Variants in DCAKD observed in about 807,000 individuals in gnomAD.
DCAKD encodes dephospho-CoA kinase domain-containing protein.
In DCAKD, 15 loss-of-function variants were observed where a neutral mutation model predicts 18.7. The ratio of observed to expected loss-of-function variants is 0.80; its 90% CI spans 0.54 to 1.24. The LOEUF is 1.24. Ranked by LOEUF, DCAKD falls within the 50% of genes most tolerant of loss-of-function variation. DCAKD has a pLI of 0.00. For synonymous variants in DCAKD, 130 were observed against 133.0 expected (o/e 0.98, Z 0.16); for missense variants, 301 against 322.0 (o/e 0.93, Z 0.50).
Position 45,024,719 on chromosome 17 carries a change from C to A in DCAKD, c.410G>T (p.Arg137Leu). 1 of 1,573,526 alleles carries A rather than the reference C, an allele frequency of 6.4e-7. No homozygotes were observed. Among genetic ancestry groups the A allele is most frequent in the Non-Finnish European group, 8.7e-7 (1 of 1,155,108 alleles). The part of the protein sequence containing the change: ...MKHTVVVYCD[R>L]DTQLARLMRR... ...CATCAGCCGTGCCAGCTGTGTGTCC[C>A]GGTCGCTAAGGATAGGGCAAAAGGG... is the stretch of plus-strand genomic sequence containing the variant. Residue 137 changes from arginine (R) to leucine (L), a missense_variant, in exon 5 of 5, where the codon CGG becomes CTG. Physicochemically the swap from Arg to Leu is moderately radical, Grantham distance 102. Transcript: ENST00000651974.
chr17:45,036,120 T>G (rs1404058513), intron 1 of DCAKD, among the ~76,000 whole-genome samples: 2 of 152,138 alleles, frequency 1.3e-5, no homozygotes, highest in East Asian at 3.9e-4. Flanking sequence ...GGGCATGGCT[T>G]CTTCACACCC....
Position 45,034,790 on chromosome 17 carries a change from G to A in DCAKD, c.96C>T (p.Asp32=), listed in dbSNP as rs1270607986. The change falls in exon 2 of 5, where the codon GAC becomes GAT. Residue 32 remains aspartate (D), a synonymous_variant. Transcript: ENST00000651974. ...CCAACTCACCGTGCCGGGCCATCACGTCCACGTCAATCACCGCACAGCCCA... is the reference window on the plus strand; with the variant it reads ...CCAACTCACCGTGCCGGGCCATCACATCCACGTCAATCACCGCACAGCCCA... The part of the protein sequence containing the change: ...QQLGCAVIDV[D]VMARHVVQPG... 7 of 1,614,164 alleles carry A rather than the reference G, an allele frequency of 4.3e-6. No homozygotes were observed. Among genetic ancestry groups the A allele is most frequent in the South Asian group, 3.3e-5 (3 of 91,068 alleles).
chr17:45,041,966 A>T (rs975772622), intron 1 of DCAKD, among the ~76,000 whole-genome samples: 12 of 151,784 alleles, frequency 7.9e-5, no homozygotes, highest in African/African-American at 2.9e-4. Flanking sequence ...AAAAAAAAAA[A>T]ATAGCTGGGC....
chr17:45,039,424 A>T (rs2053377887), intron 1 of DCAKD, among the ~76,000 whole-genome samples: 2 of 152,216 alleles, frequency 1.3e-5, no homozygotes, highest in African/African-American at 4.8e-5. Context: ...ATCTGAATTT[A>T]CTGCGAAACT....
rs541133260 is a variant in DCAKD at position 45,034,875 on chromosome 17, A to G, written c.11T>C (p.Val4Ala). 20 of 1,614,034 alleles carry G rather than the reference A, an allele frequency of 1.2e-5. No homozygotes were observed. Among genetic ancestry groups the G allele is most frequent in the Non-Finnish European group, 1.5e-5 (18 of 1,180,014 alleles). MFLVGLTGGIASGK... is the reference protein window; with the variant it reads MFLAGLTGGIASGK... The stretch of plus-strand genomic sequence containing the variant: ...TGAGGCAATGCCCCCTGTCAGGCCC[A>G]CCAGAAACATCTTCCAGGAAAGAGA... Residue 4 changes from valine to alanine, a missense_variant, in exon 2 of 5, where the codon GTG becomes GCG. Physicochemically the swap from Val to Ala is moderately conservative, Grantham distance 64. Coordinates refer to ENST00000651974, the MANE Select transcript of DCAKD (RefSeq NM_001288655.2).
At chr17:45,046,325 A>T (rs1200418453) in intron 1 of DCAKD, among the ~76,000 whole-genome samples, 2 of 152,106 alleles carry the variant, frequency 1.3e-5, no homozygotes, top group African/African-American at 2.4e-5. Flanking sequence ...AAGTTAAAAG[A>T]AGTTCTGGCT....
intron 4 of DCAKD, 145 bp from the exon 5 acceptor site, chr17:45,024,869 T>G: frequency 9.4e-7 from 1 of 1,069,096 alleles, no homozygotes; most frequent in Non-Finnish European, 1.3e-6. Context: ...CTGGGCTACT[T>G]AGGGTCCCAC....
intron 1 of DCAKD, among the ~76,000 whole-genome samples, chr17:45,040,213 C>T (rs113644109): frequency 0.27 from 41,408 of 151,418 alleles, 6,015 homozygotes; most frequent in African/African-American, 0.34. Flanking sequence ...CATGGAGAAA[C>T]GCCATTTCTA....
intron 3 of DCAKD, chr17:45,031,839 G>C: frequency 1.0e-6 from 1 of 985,408 alleles, no homozygotes; most frequent in Non-Finnish European, 1.2e-6. Context: ...CCAACAGCTG[G>C]TGATCTTATC....
chr17:45,033,949 G>A (rs760113356), intron 3 of DCAKD: 9 of 1,555,788 alleles, frequency 5.8e-6, no homozygotes, highest in Non-Finnish European at 7.8e-6. Context: ...TGGGCTCATG[G>A]CTCGAAAGCC....
At chr17:45,030,703 GACAAGAGCCAAGGTGGGCTGTCTCTACCA>G (rs537932450) in intron 3 of DCAKD, among the ~76,000 whole-genome samples, 1 of 152,384 alleles carries the variant, frequency 6.6e-6, no homozygotes, top group South Asian at 2.1e-4. Context: ...CAGCCCTGCT[GACAAGAGCCAAGGTGGGCTGTCTCTACCA>G]ACTCTCCATG....
chr17:45,028,833 C>G (rs887381037), intron 4 of DCAKD, among the ~76,000 whole-genome samples: 1 of 151,264 alleles, frequency 6.6e-6, no homozygotes, highest in Non-Finnish European at 1.5e-5. Flanking sequence ...GCCTCCCAAG[C>G]GGCTGAGATT....
At chr17:45,036,149 T>G (rs1045670420) in intron 1 of DCAKD, among the ~76,000 whole-genome samples, 2 of 152,170 alleles carry the variant, frequency 1.3e-5, no homozygotes, top group African/African-American at 4.8e-5. Flanking sequence ...CACTCACATG[T>G]GCTGCAACCC....
chr17:45,047,744 C>A (rs1419904659), intron 1 of DCAKD, among the ~76,000 whole-genome samples: 4 of 151,956 alleles, frequency 2.6e-5, no homozygotes, highest in African/African-American at 4.8e-5. Context: ...ACCTTGTGAT[C>A]CGCCCACCTT....
intron 1 of DCAKD, among the ~76,000 whole-genome samples, chr17:45,058,968 C>T (rs62065832): frequency 0.15 from 23,403 of 151,988 alleles, 2,073 homozygotes; most frequent in Non-Finnish European, 0.2. Context: ...TGGCCGGGCG[C>T]GGTGGCTCAC....
chr17:45,044,156 A>C (rs2053508122), intron 1 of DCAKD, among the ~76,000 whole-genome samples: 1 of 152,110 alleles, frequency 6.6e-6, no homozygotes, highest in African/African-American at 2.4e-5. Context: ...GTCCATGGAG[A>C]GTCCTACAGA....
At chr17:45,025,818 C>G (rs567878620) in intron 4 of DCAKD, among the ~76,000 whole-genome samples, 11 of 137,156 alleles carry the variant, frequency 8.0e-5, no homozygotes, top group African/African-American at 3.1e-4. Context: ...GTGGCGTGAT[C>G]TTGGCTCACT....
In DCAKD at chr17:45,047,469, G is replaced by C. The variant is rs1203104745; in HGVS notation, c.-115+3892C>G. On this transcript the variant is annotated intron_variant, in intron 1 of 4. Coordinates refer to ENST00000651974, the MANE Select transcript of DCAKD (RefSeq NM_001288655.2). The stretch of plus-strand genomic sequence containing the variant: ...GGCTAATTTTTAAAAATTTTTTGTA[G>C]AGATGAGGTTTTGCTGGGTTGCCCT... 2.7e-5 allele frequency among the ~76,000 whole-genome samples: 4 copies of C among 149,970 alleles called. No individual in the cohort carries two copies. In the South Asian group the frequency reaches 8.5e-4, roughly 32 times the overall value.
chr17:45,045,025 C>T (rs1421935451), intron 1 of DCAKD, among the ~76,000 whole-genome samples: 1 of 152,058 alleles, frequency 6.6e-6, no homozygotes, highest in African/African-American at 2.4e-5. Flanking sequence ...CAGTTTCTTT[C>T]AGTATTTTGG....
Sources: allele counts gnomAD v4.1 joint callset (sites outside exome capture counted in the v4.1 genomes callset), GRCh38; gene constraint gnomAD v4.1.1; transcripts MANE v1.5; gene names NCBI Gene and HGNC (gene_info 2026-07-23, HGNC 2026-07-21).